Variants in CDH12 observed in about 807,000 individuals in gnomAD.
CDH12 encodes cadherin 12.
CDH12 carries 41 observed loss-of-function variants against 74.1 expected under a neutral mutation model. The observed-to-expected ratio is 0.55, with a 90% CI of 0.43 to 0.72. CDH12 has a LOEUF of 0.72. Among genes scored for constraint, CDH12 ranks in the 30% least tolerant of loss-of-function variants. The pLI, the probability that CDH12 is intolerant of heterozygous loss-of-function variation, is 0.00. For synonymous variants in CDH12, 399 were observed against 355.0 expected (o/e 1.12, Z -1.39); for missense variants, 945 against 977.2 (o/e 0.97, Z 0.44).
At chr5:22,385,017 C>T (rs1741940154) in intron 3 of CDH12, among the ~76,000 whole-genome samples, 1 of 152,052 alleles carries the variant, frequency 6.6e-6, no homozygotes, top group African/African-American at 2.4e-5. Flanking sequence ...TCACAAATGA[C>T]TTATATTAAT....
At chr5:22,534,742 G>A (rs1267169080) in intron 1 of CDH12, among the ~76,000 whole-genome samples, 1 of 151,926 alleles carries the variant, frequency 6.6e-6, no homozygotes, top group Non-Finnish European at 1.5e-5. Flanking sequence ...GCACACATCT[G>A]TCCCCTACCA....
chr5:22,842,200 C>T (rs1385338051), intron 1 of CDH12, among the ~76,000 whole-genome samples: 5 of 152,084 alleles, frequency 3.3e-5, no homozygotes, highest in Non-Finnish European at 7.4e-5. Flanking sequence ...TTCTACATGA[C>T]TTCTTTTAAA....
intron 3 of CDH12, among the ~76,000 whole-genome samples, chr5:22,318,221 T>G (rs1200227442): frequency 6.6e-6 from 1 of 152,208 alleles, no homozygotes; most frequent in Non-Finnish European, 1.5e-5. Context: ...AATGAATTCT[T>G]GTTACTATCT....
At chr5:21,884,963 G>T (rs1402096303) in intron 6 of CDH12, among the ~76,000 whole-genome samples, 1 of 151,980 alleles carries the variant, frequency 6.6e-6, no homozygotes, top group Non-Finnish European at 1.5e-5. Flanking sequence ...TTGGCTCACC[G>T]CAACCTCTGC....
intron 3 of CDH12, among the ~76,000 whole-genome samples, chr5:22,283,335 T>C (rs940048408): frequency 6.7e-6 from 1 of 149,866 alleles, no homozygotes; most frequent in African/African-American, 2.4e-5. Context: ...TTTATGTATA[T>C]ATCACATATA....
chr5:22,237,928 A>G (rs1023526375), intron 3 of CDH12, among the ~76,000 whole-genome samples: 25 of 152,196 alleles, frequency 1.6e-4, no homozygotes, highest in Admixed American at 1.5e-3. Flanking sequence ...TTGTATTTGT[A>G]GTGTAGACAC....
chr5:22,535,206 C>G lies in CDH12; in HGVS notation c.-522-29842G>C, dbSNP rs574845134. The stretch of plus-strand genomic sequence containing the variant: ...GGGTCTTGCTGTCGCCCAGGCTGGA[C>G]TGCAGTGGCGCGGTCTTGGCTCAAT... On this transcript the variant is annotated intron_variant, in intron 1 of 14. Coordinates refer to ENST00000382254, the MANE Select transcript of CDH12 (RefSeq NM_004061.5). Among the ~76,000 whole-genome samples, 327 of 135,204 alleles carry G rather than the reference C, an allele frequency of 2.4e-3. 3 individuals are homozygous for G. Among genetic ancestry groups the G allele is most frequent in the African/African-American group, 7.6e-3 (274 of 35,990 alleles). 88.7% of individuals were successfully genotyped at this position (135,204 alleles called of 152,430 possible). A position where few individuals can be genotyped will look rare whatever the true frequency, so the allele number is the denominator to read the frequency against.
At chr5:22,369,307 A>T (rs1292578546) in intron 3 of CDH12, among the ~76,000 whole-genome samples, 2 of 152,150 alleles carry the variant, frequency 1.3e-5, no homozygotes, top group Non-Finnish European at 2.9e-5. Flanking sequence ...AAATATTAAA[A>T]TTTTTTAATA....
chr5:21,945,138 G>T (rs1236301965), intron 6 of CDH12, among the ~76,000 whole-genome samples: 3 of 151,744 alleles, frequency 2.0e-5, no homozygotes, highest in Non-Finnish European at 4.4e-5. Flanking sequence ...TGAAAAAGGT[G>T]TTGGGGCTGG....
intron 1 of CDH12, among the ~76,000 whole-genome samples, chr5:22,696,370 C>CAAAAAA (rs1313736569): frequency 0.038 from 3,648 of 96,236 alleles, 114 homozygotes; most frequent in African/African-American, 0.08. Flanking sequence ...GACTCCGTCT[C>CAAAAAA]AAAAAAAAAA....
intron 4 of CDH12, among the ~76,000 whole-genome samples, chr5:22,134,844 T>A (rs1201553114): frequency 3.3e-5 from 5 of 150,422 alleles, no homozygotes. Context: ...AACATTTCAT[T>A]ATTAATTACA....
intron 7 of CDH12, among the ~76,000 whole-genome samples, chr5:21,853,700 G>A (rs1561243860): frequency 6.6e-6 from 1 of 151,592 alleles, no homozygotes; most frequent in Non-Finnish European, 1.5e-5. Flanking sequence ...ATTATAAAAT[G>A]TTTAACTTAT....
chr5:22,482,943 A>T (rs1220919488), intron 2 of CDH12, among the ~76,000 whole-genome samples: 2 of 152,174 alleles, frequency 1.3e-5, no homozygotes, highest in Non-Finnish European at 2.9e-5. Context: ...TCCTCTGACA[A>T]TGCAATGCTT....
intron 11 of CDH12, among the ~76,000 whole-genome samples, chr5:21,765,557 G>T (rs1427181642): frequency 7.0e-6 from 1 of 142,188 alleles, no homozygotes. Context: ...AAAAAAAAAA[G>T]GGGAAAGAAG....
intron 5 of CDH12, among the ~76,000 whole-genome samples, chr5:22,052,443 C>A (rs1740439280): frequency 6.6e-6 from 1 of 152,096 alleles, no homozygotes; most frequent in Admixed American, 6.6e-5. Flanking sequence ...TCCCTCTAAT[C>A]CCCTGTTCAT....
At chr5:22,446,249 A>G (rs1250793573) in intron 2 of CDH12, among the ~76,000 whole-genome samples, 1 of 152,092 alleles carries the variant, frequency 6.6e-6, no homozygotes, top group African/African-American at 2.4e-5. Context: ...TTCGACGGTC[A>G]TCTGCAGCAC....
At chr5:22,822,789 T>G (rs921013653) in intron 1 of CDH12, among the ~76,000 whole-genome samples, 5 of 152,186 alleles carry the variant, frequency 3.3e-5, no homozygotes, top group African/African-American at 9.6e-5. Context: ...TTTGTGGGAC[T>G]GTGAAGTAGT....
intron 4 of CDH12, among the ~76,000 whole-genome samples, chr5:22,099,134 G>A (rs1288099731): frequency 6.6e-6 from 1 of 152,080 alleles, no homozygotes; most frequent in Admixed American, 6.6e-5. Context: ...ACTTTTACTG[G>A]ATAAGTAGAG....
At chr5:22,514,316 C>T (rs1736722862) in intron 1 of CDH12, among the ~76,000 whole-genome samples, 1 of 151,648 alleles carries the variant, frequency 6.6e-6, no homozygotes, top group African/African-American at 2.4e-5. Flanking sequence ...AACACATAAA[C>T]ATATTTTTAA....
Sources: gnomAD v4.1 joint callset for allele counts (sites outside exome capture counted in the v4.1 genomes callset) on GRCh38, gnomAD v4.1.1 for gene constraint, MANE v1.5 for transcripts, NCBI Gene and HGNC (gene_info 2026-07-23, HGNC 2026-07-21) for gene names.